CSMD1: variants seen among roughly 807,000 people sequenced by gnomAD.
The protein encoded by CSMD1 is CUB and sushi domain-containing protein 1.
A neutral mutation model predicts 417.5 loss-of-function variants in CSMD1; 213 were observed. That is an observed-to-expected ratio of 0.51 (90% CI 0.46 to 0.57). The LOEUF (loss-of-function observed/expected upper bound fraction) is 0.57. Ranked by LOEUF, CSMD1 falls within the 20% of genes least tolerant of loss-of-function variation. The pLI is 0.00. For missense variants in CSMD1, 6,923 were observed against 4,529.7 expected, an observed-to-expected ratio of 1.53 and a Z score of -15.17; for synonymous variants, 2,862 against 1,736.8, an observed-to-expected ratio of 1.65 and a Z score of -16.11.
chr8:3,900,443 A>T (rs1807665722), intron 5 of CSMD1, among the ~76,000 whole-genome samples: 1 of 148,156 alleles, frequency 6.7e-6, no homozygotes, highest in Non-Finnish European at 1.5e-5. Context: ...GGGTGACAGC[A>T]CAGCTGCATA....
At chr8:4,247,810 G>C (rs1230757727) in intron 3 of CSMD1, among the ~76,000 whole-genome samples, 4 of 152,144 alleles carry the variant, frequency 2.6e-5, no homozygotes, top group Non-Finnish European at 4.4e-5. Flanking sequence ...GCCAAAGCAA[G>C]TGCTTAAGTT....
At chr8:4,559,078 G>A (rs1411325988) in intron 2 of CSMD1, among the ~76,000 whole-genome samples, 1 of 152,112 alleles carries the variant, frequency 6.6e-6, no homozygotes, top group African/African-American at 2.4e-5. Flanking sequence ...GTTATGAACA[G>A]TGAAAACTCT....
At chr8:3,619,319 G>C (rs1802302554) in intron 7 of CSMD1, among the ~76,000 whole-genome samples, 1 of 152,120 alleles carries the variant, frequency 6.6e-6, no homozygotes, top group South Asian at 2.1e-4. Context: ...ACTAATTAGT[G>C]AACATTTTCT....
At position 3,728,373 on chromosome 8, in the gene CSMD1, A is replaced by G. The variant is rs184970902; in HGVS notation, c.932-19882T>C. On this transcript the variant is annotated intron_variant, in intron 6 of 69. Transcript: ENST00000635120. ...TCCATTAAACCTCGTTCCTTTATCA[A>G]TTACCCAGTATTGGGTATGTCTTTA... Among the ~76,000 whole-genome samples the G allele has an allele frequency of 7.2e-5, 11 of 152,294 alleles. No homozygotes were observed. In the East Asian group the frequency reaches 1.7e-3, roughly 24 times the overall value.
At chr8:3,476,194 A>G (rs1458171523) in intron 11 of CSMD1, among the ~76,000 whole-genome samples, 1 of 152,342 alleles carries the variant, frequency 6.6e-6, no homozygotes, top group Non-Finnish European at 1.5e-5. Context: ...ATACAAATGC[A>G]AAAACAAAAC....
rs1799788588 is a variant in CSMD1 at position 4,587,988 on chromosome 8, T to C, written c.302+49354A>G. Among the ~76,000 whole-genome samples, 6 of 152,164 alleles carry C rather than the reference T, an allele frequency of 3.9e-5. No homozygotes were observed. In the South Asian group the frequency reaches 1.2e-3, roughly 32 times the overall value. The stretch of plus-strand genomic sequence containing the variant: ...TACCCAGCAACATCAACTAGCTACT[T>C]TCCTGAATCGTGAATGCAGCACCAT... On this transcript the variant is annotated intron_variant, in intron 2 of 69. Coordinates refer to ENST00000635120, the MANE Select transcript of CSMD1 (RefSeq NM_033225.6).
chr8:3,674,900 C>G (rs979334457), intron 7 of CSMD1, among the ~76,000 whole-genome samples: 1 of 152,132 alleles, frequency 6.6e-6, no homozygotes. Context: ...TTGTTTATAT[C>G]CTGGAAGATA....
chr8:4,522,616 G>C (rs573701546), intron 2 of CSMD1, among the ~76,000 whole-genome samples: 49 of 152,256 alleles, frequency 3.2e-4, no homozygotes, highest in African/African-American at 1.0e-3. Flanking sequence ...TTTAGCAAGT[G>C]GAACCAGACC....
intron 5 of CSMD1, among the ~76,000 whole-genome samples, chr8:3,787,544 G>C (rs986200596): frequency 6.6e-6 from 1 of 152,228 alleles, no homozygotes; most frequent in Middle Eastern, 3.4e-3. Flanking sequence ...TCATATCCAT[G>C]AATAGGTAAG....
At chr8:3,406,695 C>A (rs898705649) in intron 14 of CSMD1, among the ~76,000 whole-genome samples, 9 of 152,170 alleles carry the variant, frequency 5.9e-5, no homozygotes, top group Non-Finnish European at 1.3e-4. Context: ...CTAAATGAAA[C>A]AATTATTGTC....
chr8:4,272,905 T>C (rs781385963), intron 3 of CSMD1, among the ~76,000 whole-genome samples: 6 of 152,138 alleles, frequency 3.9e-5, no homozygotes, highest in African/African-American at 1.4e-4. Context: ...TAGCTTCTCA[T>C]AGAAATCAAA....
intron 10 of CSMD1, among the ~76,000 whole-genome samples, chr8:3,504,715 T>C (rs1796751216): frequency 6.6e-6 from 1 of 152,214 alleles, no homozygotes; most frequent in Non-Finnish European, 1.5e-5. Flanking sequence ...ACCTGCACCC[T>C]TCCTTCTCTA....
Position 3,838,687 on chromosome 8 carries a change from A to C in CSMD1, c.819-84645T>G, listed in dbSNP as rs1195268693. On this transcript the variant is annotated intron_variant, in intron 5 of 69. Coordinates refer to ENST00000635120, the MANE Select transcript of CSMD1 (RefSeq NM_033225.6). ...TAATAAATTAATATTATATAGTATAATATATAATAAATATTATATAGTATA... is the reference window on the plus strand; with the variant it reads ...TAATAAATTAATATTATATAGTATACTATATAATAAATATTATATAGTATA... Among the ~76,000 whole-genome samples the C allele has an allele frequency of 5.3e-3, 403 of 76,564 alleles. 25 individuals carry two copies. In the Admixed American group the frequency reaches 0.06, roughly 11 times the overall value. The allele number at this position is 76,564 out of a possible 152,430, so 50.2% of individuals were successfully genotyped here.
chr8:3,295,529 C>T (rs1035846849), intron 25 of CSMD1, among the ~76,000 whole-genome samples: 3 of 152,100 alleles, frequency 2.0e-5, no homozygotes, highest in African/African-American at 7.2e-5. Context: ...TTCGTAGTTC[C>T]TTACTAAAGG....
At chr8:4,300,082 A>G (rs1797897810) in intron 3 of CSMD1, among the ~76,000 whole-genome samples, 4 of 152,222 alleles carry the variant, frequency 2.6e-5, no homozygotes. Flanking sequence ...ATCTGGATTT[A>G]GGATTTGATT....
intron 12 of CSMD1, among the ~76,000 whole-genome samples, chr8:3,416,546 CTG>C (rs1813163074): frequency 6.6e-6 from 1 of 152,156 alleles, no homozygotes; most frequent in South Asian, 2.1e-4. Context: ...TGAGACATAA[CTG>C]TGCCGTCAGA....
At chr8:4,108,780 T>A (rs567571189) in intron 3 of CSMD1, among the ~76,000 whole-genome samples, 5 of 152,340 alleles carry the variant, frequency 3.3e-5, no homozygotes, top group East Asian at 1.9e-4. Context: ...ATCTGAAATA[T>A]CTTGATTCTA....
chr8:4,685,698 G>A (rs939185388), intron 1 of CSMD1, among the ~76,000 whole-genome samples: 1 of 152,186 alleles, frequency 6.6e-6, no homozygotes, highest in African/African-American at 2.4e-5. Context: ...TGAGTACAAG[G>A]AAGTGAAACG....
intron 5 of CSMD1, among the ~76,000 whole-genome samples, chr8:3,997,301 G>A (rs1815291552): frequency 1.3e-5 from 2 of 152,084 alleles, no homozygotes; most frequent in South Asian, 2.1e-4. Flanking sequence ...CTAAATAGGC[G>A]GTACTTCATT....
Sources: allele counts gnomAD v4.1 joint callset (sites outside exome capture counted in the v4.1 genomes callset), GRCh38; gene constraint gnomAD v4.1.1; transcripts MANE v1.5; gene names NCBI Gene and HGNC (gene_info 2026-07-23, HGNC 2026-07-21).